The following ADGRB3 variants were observed in gnomAD, a reference collection of about 807,000 sequenced individuals.
ADGRB3 encodes the protein adhesion G protein-coupled receptor B3.
Under a neutral mutation model 193.4 loss-of-function variants are expected in ADGRB3, and 37 were observed. The observed-to-expected ratio is 0.19, with a 90% CI of 0.15 to 0.25. ADGRB3 has a LOEUF of 0.25. ADGRB3 is among the 10% of genes least tolerant of loss of function. The pLI, the probability that ADGRB3 is intolerant of heterozygous loss-of-function variation, is 1.00. For missense variants in ADGRB3, 1,637 were observed against 1,852.9 expected (o/e 0.88, Z 2.14); for synonymous variants, 690 against 644.2 (o/e 1.07, Z -1.08).
intron 20 of ADGRB3, among the ~76,000 whole-genome samples, chr6:69,324,515 T>C (rs1768526865): frequency 6.6e-6 from 1 of 152,182 alleles, no homozygotes; most frequent in South Asian, 2.1e-4. Context: ...AAACTAATTA[T>C]GCAAGATGTC....
intron 20 of ADGRB3, among the ~76,000 whole-genome samples, chr6:69,275,742 T>G (rs1282428408): frequency 6.6e-6 from 1 of 152,056 alleles, no homozygotes; most frequent in Non-Finnish European, 1.5e-5. Flanking sequence ...CTAGGTATAA[T>G]TCTAAAAATT....
At chr6:69,121,291 C>T (rs2150329770) in intron 17 of ADGRB3, among the ~76,000 whole-genome samples, 1 of 152,244 alleles carries the variant, frequency 6.6e-6, no homozygotes, top group South Asian at 2.1e-4. Context: ...TGAGTTGACA[C>T]AGCACATGTT....
chr6:69,345,955 C>G (rs1331704201), intron 26 of ADGRB3, among the ~76,000 whole-genome samples: 1 of 152,108 alleles, frequency 6.6e-6, no homozygotes, highest in Non-Finnish European at 1.5e-5. Context: ...TTCCTATACA[C>G]CAATAATAGA....
intron 3 of ADGRB3, among the ~76,000 whole-genome samples, chr6:68,844,036 A>C (rs536211175): frequency 1.3e-5 from 2 of 152,326 alleles, no homozygotes; most frequent in South Asian, 4.1e-4. Flanking sequence ...TGGATTGAAG[A>C]CTTAAACCTA....
intron 17 of ADGRB3, among the ~76,000 whole-genome samples, chr6:69,190,890 A>T (rs1236395278): frequency 1.3e-5 from 2 of 152,172 alleles, no homozygotes; most frequent in East Asian, 3.8e-4. Flanking sequence ...ATGTTGCACA[A>T]GTCTATAGCC....
intron 3 of ADGRB3, among the ~76,000 whole-genome samples, chr6:68,907,385 A>G (rs1176883323): frequency 6.6e-6 from 1 of 151,840 alleles, no homozygotes; most frequent in East Asian, 1.9e-4. Flanking sequence ...AAATTCTTTG[A>G]TTCTTATTCT....
chr6:68,890,225 G>T (rs1345178450), intron 3 of ADGRB3, among the ~76,000 whole-genome samples: 2 of 152,174 alleles, frequency 1.3e-5, no homozygotes, highest in Admixed American at 6.5e-5. Context: ...AAGAATTTGA[G>T]AATTGAAATC....
At chr6:69,170,689 C>T (rs1246675450) in intron 17 of ADGRB3, among the ~76,000 whole-genome samples, 1 of 152,200 alleles carries the variant, frequency 6.6e-6, no homozygotes, top group Admixed American at 6.5e-5. Flanking sequence ...CAGGTAAAGT[C>T]GTATGGTATT....
chr6:69,206,045 G>GTATATATATATATATA (rs56741913), intron 17 of ADGRB3, among the ~76,000 whole-genome samples: 6 of 99,926 alleles, frequency 6.0e-5, no homozygotes, highest in Non-Finnish European at 7.8e-5. Flanking sequence ...TATAATAATG[G>GTATATATATATATATA]TATATATATA....
intron 20 of ADGRB3, among the ~76,000 whole-genome samples, chr6:69,297,406 CTCTCTATA>C (rs1470592771): frequency 6.9e-6 from 1 of 144,066 alleles, no homozygotes; most frequent in Non-Finnish European, 1.5e-5. Context: ...CTCTCTCTCT[CTCTCTATA>C]TATATATATA....
At chr6:69,143,672 G>C (rs546758079) in intron 17 of ADGRB3, among the ~76,000 whole-genome samples, 1 of 152,210 alleles carries the variant, frequency 6.6e-6, no homozygotes, top group East Asian at 1.9e-4. Flanking sequence ...TGGCACCTTT[G>C]TGGTAAATGA....
chr6:69,181,408 A>G (rs1775580339), intron 17 of ADGRB3, among the ~76,000 whole-genome samples: 1 of 152,120 alleles, frequency 6.6e-6, no homozygotes, highest in Non-Finnish European at 1.5e-5. Flanking sequence ...TGAATTCATA[A>G]CTCATTTTTT....
At chr6:69,049,970 C>T (rs1771344872) in intron 15 of ADGRB3, among the ~76,000 whole-genome samples, 1 of 152,152 alleles carries the variant, frequency 6.6e-6, no homozygotes, top group Admixed American at 6.5e-5. Context: ...CCAAATCTCA[C>T]AGAAAACATC....
intron 17 of ADGRB3, among the ~76,000 whole-genome samples, chr6:69,108,142 A>C (rs1773264429): frequency 6.6e-6 from 1 of 152,140 alleles, no homozygotes; most frequent in South Asian, 2.1e-4. Context: ...AGGTCACAGA[A>C]ACTATTCAGT....
At chr6:69,148,863 T>A (rs1307441411) in intron 17 of ADGRB3, among the ~76,000 whole-genome samples, 1 of 152,194 alleles carries the variant, frequency 6.6e-6, no homozygotes, top group Admixed American at 6.5e-5. Context: ...CATGCCACTT[T>A]CTCTTGGAAT....
chr6:69,144,342 T>C (rs113766001), intron 17 of ADGRB3, among the ~76,000 whole-genome samples: 1 of 152,340 alleles, frequency 6.6e-6, no homozygotes, highest in South Asian at 2.1e-4. Flanking sequence ...TATAAGATCA[T>C]ATCATCTGCA....
intron 17 of ADGRB3, among the ~76,000 whole-genome samples, chr6:69,154,503 C>A (rs979244412): frequency 2.6e-5 from 4 of 152,222 alleles, no homozygotes. Context: ...ACACACCACA[C>A]TGATTTGCAC....
intron 30 of ADGRB3, among the ~76,000 whole-genome samples, chr6:69,374,838 A>C (rs889550698): frequency 1.3e-5 from 2 of 152,124 alleles, no homozygotes; most frequent in African/African-American, 4.8e-5. Flanking sequence ...TTTGTTTAAC[A>C]AAATGTTATT....
At chr6:69,063,449 G>C (rs919812434) in intron 16 of ADGRB3, among the ~76,000 whole-genome samples, 1 of 152,044 alleles carries the variant, frequency 6.6e-6, no homozygotes, top group Non-Finnish European at 1.5e-5. Flanking sequence ...ATTATCCAAA[G>C]CATTAAACTA....
Sources: allele counts gnomAD v4.1 joint callset (sites outside exome capture counted in the v4.1 genomes callset), GRCh38; gene constraint gnomAD v4.1.1; transcripts MANE v1.5; gene names NCBI Gene and HGNC (gene_info 2026-07-23, HGNC 2026-07-21).